DCC: variants seen among roughly 807,000 people sequenced by gnomAD.
DCC encodes netrin receptor DCC.
A neutral mutation model predicts 172.5 loss-of-function variants in DCC; 58 were observed. That is an observed-to-expected ratio of 0.34 (90% CI 0.27 to 0.42). DCC has a LOEUF of 0.42. Among genes scored for constraint, DCC ranks in the 10% least tolerant of loss-of-function variants. The probability of loss-of-function intolerance (pLI) is 1.00; values close to 1 mark genes in which losing one functional copy is unlikely to be tolerated. For synonymous variants in DCC, 709 were observed against 644.5 expected, an observed-to-expected ratio of 1.10 and a Z score of -1.52; for missense variants, 1,740 against 1,791.0, an observed-to-expected ratio of 0.97 and a Z score of 0.51.
intron 5 of DCC, among the ~76,000 whole-genome samples, chr18:52,938,459 CTATTAT>C (rs1307174604): frequency 6.6e-6 from 1 of 151,996 alleles, no homozygotes; most frequent in African/African-American, 2.4e-5. Flanking sequence ...GAAATATACA[CTATTAT>C]TATTTAAGAA....
intron 1 of DCC, among the ~76,000 whole-genome samples, chr18:52,549,072 G>A (rs149215888): frequency 6.6e-6 from 1 of 152,024 alleles, no homozygotes; most frequent in East Asian, 1.9e-4. Flanking sequence ...CACAATATGA[G>A]CAATTTTCTG....
At chr18:52,377,836 T>C (rs1189214734) in intron 1 of DCC, among the ~76,000 whole-genome samples, 1 of 151,778 alleles carries the variant, frequency 6.6e-6, no homozygotes, top group East Asian at 1.9e-4. Context: ...CCACCTGAGT[T>C]GCTGGGATTA....
intron 21 of DCC, among the ~76,000 whole-genome samples, chr18:53,431,713 A>T (rs1034656777): frequency 2.6e-5 from 4 of 151,924 alleles, no homozygotes; most frequent in African/African-American, 9.7e-5. Context: ...TGATCTCTTG[A>T]CCTCAAGTGA....
chr18:53,125,317 G>A (rs905626566), intron 7 of DCC, among the ~76,000 whole-genome samples: 9 of 151,742 alleles, frequency 5.9e-5, no homozygotes, highest in Admixed American at 5.3e-4. Context: ...TTAATATCAC[G>A]GTAGATAACT....
intron 20 of DCC, among the ~76,000 whole-genome samples, chr18:53,414,664 T>C (rs1213088888): frequency 1.3e-5 from 2 of 151,764 alleles, no homozygotes; most frequent in Non-Finnish European, 1.5e-5. Flanking sequence ...CTGACTAACA[T>C]GGTGAAACCA....
At chr18:53,026,185 T>C (rs2041953251) in intron 5 of DCC, among the ~76,000 whole-genome samples, 1 of 152,236 alleles carries the variant, frequency 6.6e-6, no homozygotes, top group Middle Eastern at 3.4e-3. Flanking sequence ...TGATATTTAA[T>C]TATCTTTATT....
chr18:52,610,352 A>C, intron 1 of DCC, among the ~76,000 whole-genome samples: 1 of 121,988 alleles, frequency 8.2e-6, no homozygotes, highest in African/African-American at 3.1e-5. Context: ...TGCACTCCAG[A>C]ATGGGTGAGA....
chr18:52,901,690 C>A (rs1031849087), intron 2 of DCC, among the ~76,000 whole-genome samples: 5 of 152,242 alleles, frequency 3.3e-5, no homozygotes, highest in African/African-American at 1.2e-4. Flanking sequence ...AACTGCTACA[C>A]AGTATGCTGG....
At chr18:52,758,000 C>T (rs1246847361) in intron 2 of DCC, among the ~76,000 whole-genome samples, 1 of 152,048 alleles carries the variant, frequency 6.6e-6, no homozygotes, top group African/African-American at 2.4e-5. Flanking sequence ...ATCAATGAAA[C>T]TCTCCACAAT....
intron 15 of DCC, among the ~76,000 whole-genome samples, chr18:53,342,190 C>T (rs2144875416): frequency 6.6e-6 from 1 of 152,048 alleles, no homozygotes; most frequent in East Asian, 1.9e-4. Flanking sequence ...GTTTAGACAC[C>T]AGACACTGTG....
chr18:53,412,186 T>G (rs1910023053), intron 20 of DCC, among the ~76,000 whole-genome samples: 1 of 152,190 alleles, frequency 6.6e-6, no homozygotes, highest in South Asian at 2.1e-4. Context: ...AGGAATTTGT[T>G]CTATGACATA....
At chr18:53,026,882 A>G (rs972496360) in intron 5 of DCC, among the ~76,000 whole-genome samples, 3 of 152,106 alleles carry the variant, frequency 2.0e-5, no homozygotes, top group Non-Finnish European at 4.4e-5. Context: ...TTTCTTTAAA[A>G]GCAAAATTTG....
intron 8 of DCC, among the ~76,000 whole-genome samples, chr18:53,166,426 C>T (rs995499615): frequency 6.6e-5 from 10 of 152,036 alleles, no homozygotes; most frequent in African/African-American, 1.9e-4. Context: ...TGTGGATGCT[C>T]GCTACAGCTA....
chr18:53,515,805 C>A (rs1288835827), intron 27 of DCC, among the ~76,000 whole-genome samples: 1 of 151,744 alleles, frequency 6.6e-6, no homozygotes, highest in African/African-American at 2.4e-5. Context: ...AAAGAGGATA[C>A]AAACAAATGG....
rs577739178 is a variant in DCC at position 52,476,422 on chromosome 18, G to T, written c.91+135544G>T. 5.9e-5 allele frequency among the ~76,000 whole-genome samples: 9 copies of T among 152,232 alleles called. No homozygotes were observed. In the South Asian group the frequency reaches 1.4e-3, roughly 25 times the overall value. On this transcript the variant is annotated intron_variant, in intron 1 of 28. Transcript: ENST00000442544. ...ACGGATGTGAAATGCTGTCTGAGCC[G>T]AAGGCAGTAATTTTTCTTTTATTCA...
chr18:52,383,517 C>T (rs923612518), intron 1 of DCC, among the ~76,000 whole-genome samples: 1 of 151,912 alleles, frequency 6.6e-6, no homozygotes, highest in Admixed American at 6.6e-5. Context: ...TATTATGTAG[C>T]ATTTGTTTAT....
chr18:52,497,260 CAAAAAAAA>C (rs111476286), intron 1 of DCC, among the ~76,000 whole-genome samples: 1,292 of 53,910 alleles, frequency 0.024, 116 homozygotes, highest in Non-Finnish European at 0.026. Context: ...GACCCTGTAT[CAAAAAAAA>C]AAAAAAAAAA....
intron 26 of DCC, among the ~76,000 whole-genome samples, chr18:53,495,869 A>G (rs1271424911): frequency 1.3e-5 from 2 of 151,958 alleles, no homozygotes; most frequent in Non-Finnish European, 2.9e-5. Context: ...GTTGATTTCA[A>G]TCTCTGATAT....
intron 5 of DCC, among the ~76,000 whole-genome samples, chr18:53,018,887 T>G (rs1488231575): frequency 6.6e-6 from 1 of 152,170 alleles, no homozygotes; most frequent in Non-Finnish European, 1.5e-5. Context: ...AAAATCATGA[T>G]TGTCTATTTT....
Sources: allele counts gnomAD v4.1 joint callset (sites outside exome capture counted in the v4.1 genomes callset), GRCh38; gene constraint gnomAD v4.1.1; transcripts MANE v1.5; gene names NCBI Gene and HGNC (gene_info 2026-07-23, HGNC 2026-07-21).